The following INPP5F variants were observed in gnomAD, a reference collection of about 807,000 sequenced individuals.
INPP5F encodes phosphatidylinositide 4-phosphatase SAC2.
INPP5F carries 97 observed loss-of-function variants against 137.2 expected under a neutral mutation model. That is an observed-to-expected ratio of 0.71 (90% CI 0.60 to 0.84). The LOEUF is 0.84. Among genes scored for constraint, INPP5F ranks in the 40% least tolerant of loss-of-function variants. The pLI is 0.00. For missense variants in INPP5F, 1,271 were observed against 1,371.9 expected (o/e 0.93, Z 1.16); for synonymous variants, 504 against 476.9 (o/e 1.06, Z -0.74).
intron 2 of INPP5F, among the ~76,000 whole-genome samples, chr10:119,781,356 A>G (rs1849697651): frequency 6.6e-6 from 1 of 152,212 alleles, no homozygotes; most frequent in Non-Finnish European, 1.5e-5. Context: ...CAGTCTCGCC[A>G]GCACATGTGT....
chr10:119,798,224 C>T (rs558708656), intron 8 of INPP5F, among the ~76,000 whole-genome samples: 94 of 152,068 alleles, frequency 6.2e-4, no homozygotes, highest in African/African-American at 2.2e-3. Context: ...TTCAGTAAAG[C>T]TTTGGTTTTT....
intron 6 of INPP5F, among the ~76,000 whole-genome samples, chr10:119,793,849 T>C (rs528099196): frequency 2.0e-5 from 3 of 152,262 alleles, no homozygotes; most frequent in Non-Finnish European, 4.4e-5. Flanking sequence ...TTCACCATGT[T>C]GGCCAGGCTG....
chr10:119,751,604 A>G (rs1005890162), intron 2 of INPP5F, among the ~76,000 whole-genome samples: 1 of 152,154 alleles, frequency 6.6e-6, no homozygotes, highest in Admixed American at 6.5e-5. Context: ...CCTATCCAGG[A>G]CAGGCAGATT....
At position 119,745,805 on chromosome 10, in the gene INPP5F, A is replaced by C. The variant is rs1228590082; in HGVS notation, c.98-5271A>C. Among the ~76,000 whole-genome samples, 3 of 149,734 alleles carry C rather than the reference A, an allele frequency of 2.0e-5. No homozygotes were observed. The Admixed American group carries it at 2.0e-4, about 10-fold the overall frequency. On this transcript the variant is annotated intron_variant, in intron 1 of 19. Coordinates refer to ENST00000650623, the MANE Select transcript of INPP5F (RefSeq NM_014937.4). ...CTGCAACCTCCACCTCCTGGGTTCA[A>C]GCGATTCTCCTGCCTTAGCCTCCTG...
rs1848176030 is a variant in INPP5F, at chr10:119,734,832, CAG to C, written c.97+8475_97+8476del. On this transcript the variant is annotated intron_variant, in intron 1 of 19. Coordinates refer to ENST00000650623, the MANE Select transcript of INPP5F (RefSeq NM_014937.4). Reference sequence around the variant, plus strand: ...ACCTTTAGAAATCTACATTTGCAAACAGAAGTTTGAGAAGTAGCAGCAATGTC... The same window carrying C: ...ACCTTTAGAAATCTACATTTGCAAACAAGTTTGAGAAGTAGCAGCAATGTC... Among the ~76,000 whole-genome samples, 3 of 152,210 alleles carry C rather than the reference CAG, an allele frequency of 2.0e-5. No individual in the cohort carries two copies. The South Asian group carries it at 6.2e-4, about 32-fold the overall frequency.
chr10:119,807,607 T>C (rs1850845723), intron 12 of INPP5F, among the ~76,000 whole-genome samples: 1 of 152,272 alleles, frequency 6.6e-6, no homozygotes, highest in African/African-American at 2.4e-5. Flanking sequence ...TCTGCCACTA[T>C]TAGTATTGTT....
At position 119,729,270 on chromosome 10, in the gene INPP5F, T is replaced by A. The variant is rs942026865; in HGVS notation, c.97+2911T>A. Among the ~76,000 whole-genome samples, 14 of 152,052 alleles carry A rather than the reference T, an allele frequency of 9.2e-5. No homozygotes were observed. In the East Asian group the frequency reaches 2.7e-3, roughly 30 times the overall value. ...AAGCGATTCTCCTGTTTCAGACTTC[T>A]GAGTAGCTGGGACTACAGGTGTGTG... On this transcript the variant is annotated intron_variant, in intron 1 of 19. Coordinates refer to ENST00000650623, the MANE Select transcript of INPP5F (RefSeq NM_014937.4).
intron 2 of INPP5F, among the ~76,000 whole-genome samples, chr10:119,778,059 T>G (rs1462845535): frequency 2.0e-5 from 3 of 152,102 alleles, no homozygotes; most frequent in African/African-American, 7.2e-5. Flanking sequence ...CAGGCTGGAG[T>G]TCAGTGGTGC....
At chr10:119,807,846 AAT>A (rs1850855384) in intron 12 of INPP5F, 84 bp from the exon 13 acceptor site, 1 of 1,306,350 alleles carries the variant, frequency 7.7e-7, no homozygotes, top group African/African-American at 1.5e-5. Flanking sequence ...ATTGTATATG[AAT>A]ATGTTTCCTT....
At chr10:119,818,758 A>G (rs1851404863) in intron 15 of INPP5F, 1 of 152,328 alleles carries the variant, frequency 6.6e-6, no homozygotes, top group African/African-American at 2.4e-5. Flanking sequence ...GGGTGCAGGC[A>G]GCTGTTTGAG....
rs776411428 is a variant in INPP5F, at chr10:119,820,855, T to A, written c.1896T>A (p.Asp632Glu). The change falls in exon 16 of 20, where the codon GAT becomes GAA. Residue 632 changes from aspartate to glutamate, a missense_variant. Physicochemically the swap from Asp to Glu is conservative, Grantham distance 45. This residue lies in a region of INPP5F where 593 missense variants were observed against 712.4 expected (regional missense o/e 0.83). Coordinates refer to ENST00000650623, the MANE Select transcript of INPP5F (RefSeq NM_014937.4). ...ALIDCDPSLI[D>E]ATHRDVDVLL... ...TGTCATATTTGTTTAGCCTCATTGA[T>A]GCTACTCACAGAGACGTGGATGTGC... 8.7e-6 allele frequency: 14 copies of A among 1,609,026 alleles called. No homozygotes were observed. The highest frequency in any genetic ancestry group is 1.2e-5 in the Non-Finnish European group (14 of 1,175,314).
rs906916764 is a variant in INPP5F at position 119,827,431 on chromosome 10, CTCTT to C, written c.3054_3057del (p.Ser1019GlnfsTer36). On this transcript the variant is annotated frameshift_variant, in exon 20 of 20. Coordinates refer to ENST00000650623, the MANE Select transcript of INPP5F (RefSeq NM_014937.4). LOFTEE classifies it high-confidence loss of function. ...TCTCGGCCATCGCAATTAGATGTCT[CTCTT>C]TCTGCAACAGGCCCACAGTTTTTGT... 6 of 1,614,088 alleles carry C rather than the reference CTCTT, an allele frequency of 3.7e-6. No individual in the cohort carries two copies. Among genetic ancestry groups the C allele is most frequent in the African/African-American group, 1.3e-5 (1 of 74,934 alleles).
At chr10:119,819,450 CT>C in intron 15 of INPP5F, 1 of 1,557,644 alleles carries the variant, frequency 6.4e-7, no homozygotes, top group Middle Eastern at 1.7e-4. Flanking sequence ...GAAAGTAACA[CT>C]GTAATTAGTA....
chr10:119,823,716 TACG>T (rs1293168461), intron 18 of INPP5F, 96 bp from the exon 19 acceptor site: 43 of 778,784 alleles, frequency 5.5e-5, no homozygotes, highest in African/African-American at 2.5e-4. Flanking sequence ...TATTTAATTA[TACG>T]ACGACAAATT....
At chr10:119,784,581 G>T (rs1849813971) in intron 3 of INPP5F, among the ~76,000 whole-genome samples, 1 of 152,136 alleles carries the variant, frequency 6.6e-6, no homozygotes, top group Admixed American at 6.5e-5. Context: ...TCTGTAATTG[G>T]AGCAGAAGCA....
In INPP5F at chr10:119,784,063, A is replaced by G. The variant is rs1222783034; in HGVS notation, c.315+2292A>G. ...GTAAAGGAACTTTGCAACAGTGAAC[A>G]ACAGGAAGGGCAAAGAACCACATGT... On this transcript the variant is annotated intron_variant, in intron 3 of 19. Transcript: ENST00000650623. Among the ~76,000 whole-genome samples the G allele has an allele frequency of 2.6e-5, 4 of 152,376 alleles. No individual in the cohort carries two copies. In the East Asian group the frequency reaches 7.7e-4, roughly 29 times the overall value.
intron 19 of INPP5F, chr10:119,826,066 C>A (rs1851747242): frequency 2.5e-6 from 1 of 398,214 alleles, no homozygotes; most frequent in Non-Finnish European, 4.4e-6. Flanking sequence ...TCCTGTCTCC[C>A]CCCACTATCT....
intron 7 of INPP5F, 90 bp downstream of exon 7, chr10:119,797,003 A>G: frequency 1.6e-6 from 2 of 1,247,688 alleles, no homozygotes; most frequent in South Asian, 2.6e-5. Flanking sequence ...ACAATAATGG[A>G]TTTGGGAACA....
At chr10:119,774,261 CA>C (rs572329987) in intron 2 of INPP5F, among the ~76,000 whole-genome samples, 4,530 of 82,036 alleles carry the variant, frequency 0.055, 119 homozygotes, top group African/African-American at 0.17. Context: ...ACTCAGTCTC[CA>C]AAAAAAAAAA....
Sources: gnomAD v4.1 joint callset for allele counts (sites outside exome capture counted in the v4.1 genomes callset) on GRCh38, gnomAD v4.1.1 for gene constraint, gnomAD v4.1.1 regional missense constraint, MANE v1.5 for transcripts, NCBI Gene and HGNC (gene_info 2026-07-23, HGNC 2026-07-21) for gene names.